Variants in BARX2 observed in about 807,000 individuals in gnomAD.
BARX2 encodes homeobox protein BarH-like 2.
In BARX2, 11 loss-of-function variants were observed where a neutral mutation model predicts 25.5. The observed-to-expected ratio is 0.43, with a 90% confidence interval of 0.27 to 0.71. BARX2 has a LOEUF of 0.71. Ranked by LOEUF, BARX2 falls within the 30% of genes least tolerant of loss-of-function variation. The pLI, the probability that BARX2 is intolerant of heterozygous loss-of-function variation, is 0.19. For missense variants in BARX2, 360 were observed against 359.9 expected (o/e 1.00, Z 0.00); for synonymous variants, 137 against 149.5 (o/e 0.92, Z 0.61).
intron 1 of BARX2, among the ~76,000 whole-genome samples, chr11:129,435,912 C>T (rs979354593): frequency 3.9e-5 from 6 of 152,192 alleles, no homozygotes; most frequent in African/African-American, 1.4e-4. Context: ...CATACCCTGC[C>T]CCGGCCACAT....
At chr11:129,396,690 CA>C (rs1227662120) in intron 1 of BARX2, among the ~76,000 whole-genome samples, 22 of 152,090 alleles carry the variant, frequency 1.4e-4, no homozygotes, top group South Asian at 4.1e-4. Flanking sequence ...CTCTTCACAA[CA>C]GTTTAAACAT....
chr11:129,399,184 T>C (rs2135392052), intron 1 of BARX2, among the ~76,000 whole-genome samples: 1 of 152,312 alleles, frequency 6.6e-6, no homozygotes. Flanking sequence ...AACTTCAGTA[T>C]TGTAGGCTCT....
intron 1 of BARX2, among the ~76,000 whole-genome samples, chr11:129,410,542 A>G (rs1861875469): frequency 6.6e-6 from 1 of 152,310 alleles, no homozygotes; most frequent in Non-Finnish European, 1.5e-5. Context: ...TGAAGCTCTG[A>G]GACACTGAAT....
chr11:129,375,446 C>T (rs374873420), upstream of BARX2, among the ~76,000 whole-genome samples: 19 of 152,274 alleles, frequency 1.2e-4, no homozygotes, highest in East Asian at 3.5e-3. The surrounding 1 kb of genome is among the most constrained non-coding windows in gnomAD (Gnocchi z 4.0). Flanking sequence ...GCCGGGCCGG[C>T]GGGTGGCAGG....
intron 3 of BARX2, among the ~76,000 whole-genome samples, chr11:129,450,743 G>A (rs1862388276): frequency 6.6e-6 from 1 of 152,138 alleles, no homozygotes; most frequent in Non-Finnish European, 1.5e-5. Context: ...GTCTTGAAAA[G>A]TGTGTAACAA....
At chr11:129,438,446 C>A (rs1398259214) in intron 2 of BARX2, 1 of 151,988 alleles carries the variant, frequency 6.6e-6, no homozygotes, top group East Asian at 1.9e-4. Flanking sequence ...TCAGGTCCTT[C>A]TTCCTCTTCT....
At chr11:129,415,513 ATAACT>A (rs746953842) in intron 1 of BARX2, among the ~76,000 whole-genome samples, 2 of 152,172 alleles carry the variant, frequency 1.3e-5, no homozygotes, top group African/African-American at 2.4e-5. Flanking sequence ...CCCACTGGTC[ATAACT>A]TGTCTAATTA....
chr11:129,400,046 C>G (rs1287592517), intron 1 of BARX2, among the ~76,000 whole-genome samples: 2 of 152,098 alleles, frequency 1.3e-5, no homozygotes, highest in Admixed American at 1.3e-4. Context: ...GAGACTTGGT[C>G]GTTGATTAGA....
chr11:129,384,142 A>G (rs1861596184), intron 1 of BARX2, among the ~76,000 whole-genome samples: 1 of 152,032 alleles, frequency 6.6e-6, no homozygotes, highest in Non-Finnish European at 1.5e-5. Context: ...AAAGTGCTGG[A>G]AGCCACCGCA....
At chr11:129,447,333 C>T (rs532911848) in intron 3 of BARX2, among the ~76,000 whole-genome samples, 3 of 152,282 alleles carry the variant, frequency 2.0e-5, no homozygotes, top group Non-Finnish European at 2.9e-5. Context: ...TCACCAGGCA[C>T]GGCTAATAAA....
intron 3 of BARX2, among the ~76,000 whole-genome samples, chr11:129,448,927 G>C (rs1362308179): frequency 6.6e-6 from 1 of 152,184 alleles, no homozygotes; most frequent in Admixed American, 6.5e-5. Context: ...AAAGAAGCCA[G>C]TCACAAAAGT....
chr11:129,384,310 A>T (rs1167289821), intron 1 of BARX2, among the ~76,000 whole-genome samples: 2 of 151,774 alleles, frequency 1.3e-5, no homozygotes, highest in Non-Finnish European at 2.9e-5. Flanking sequence ...TTATTCAAGG[A>T]TTACTTACCA....
chr11:129,396,615 A>G (rs932507318), intron 1 of BARX2, among the ~76,000 whole-genome samples: 12 of 152,096 alleles, frequency 7.9e-5, no homozygotes, highest in African/African-American at 2.9e-4. Flanking sequence ...ACACGACTCA[A>G]GTGTAACCCA....
chr11:129,391,095 G>A (rs1364766797), intron 1 of BARX2, among the ~76,000 whole-genome samples: 1 of 152,058 alleles, frequency 6.6e-6, no homozygotes, highest in Non-Finnish European at 1.5e-5. Flanking sequence ...TTAATTTGCT[G>A]CTTTTCGGGA....
chr11:129,400,027 T>A (rs577008001), intron 1 of BARX2, among the ~76,000 whole-genome samples: 71 of 152,280 alleles, frequency 4.7e-4, no homozygotes, highest in African/African-American at 1.7e-3. Context: ...TGCATCACCA[T>A]GCCCAGCTGA....
At chr11:129,400,161 G>A (rs760265704) in intron 1 of BARX2, among the ~76,000 whole-genome samples, 23 of 152,178 alleles carry the variant, frequency 1.5e-4, no homozygotes, top group Non-Finnish European at 2.9e-4. Flanking sequence ...GAAAACATTC[G>A]TTGAGTGCTT....
chr11:129,450,318 A>ACTTTC (rs1371351310), intron 3 of BARX2, among the ~76,000 whole-genome samples: 1 of 152,228 alleles, frequency 6.6e-6, no homozygotes, highest in Non-Finnish European at 1.5e-5. Flanking sequence ...AATATAGAAA[A>ACTTTC]AACAAAGATT....
At chr11:129,388,718 C>A (rs1026226912) in intron 1 of BARX2, among the ~76,000 whole-genome samples, 8 of 152,250 alleles carry the variant, frequency 5.3e-5, no homozygotes, top group African/African-American at 1.9e-4. Context: ...TTTTTAAAAA[C>A]CTTTCTGTAT....
intron 1 of BARX2, among the ~76,000 whole-genome samples, chr11:129,397,933 T>C (rs1187882723): frequency 1.3e-5 from 2 of 152,252 alleles, no homozygotes; most frequent in Non-Finnish European, 2.9e-5. Flanking sequence ...TGAATACAGC[T>C]GAACATTTTC....
Sources: gnomAD v4.1 joint callset for allele counts (sites outside exome capture counted in the v4.1 genomes callset) on GRCh38, gnomAD v4.1.1 for gene constraint, Gnocchi (gnomAD v3.1) non-coding constraint, MANE v1.5 for transcripts, NCBI Gene and HGNC (gene_info 2026-07-23, HGNC 2026-07-21) for gene names.